UFM1: variants seen among roughly 807,000 people sequenced by gnomAD.
The protein encoded by UFM1 is ubiquitin fold modifier 1, also known as ubiquitin-fold modifier 1.
A neutral mutation model predicts 15.4 loss-of-function variants in UFM1; 9 were observed. That is an observed-to-expected ratio of 0.59 (90% CI 0.35 to 1.02). The LOEUF is 1.02. Ranked by LOEUF, UFM1 falls within the 50% of genes least tolerant of loss-of-function variation. The pLI, the probability that UFM1 is intolerant of heterozygous loss-of-function variation, is 0.02. For synonymous variants in UFM1, 27 were observed against 36.3 expected (o/e 0.74, Z 0.92); for missense variants, 98 against 104.7 (o/e 0.94, Z 0.28).
rs1878753126 is a variant in UFM1 at position 38,350,069 on chromosome 13, C to T, written c.59+14C>T. On this transcript the variant is annotated intron_variant, in intron 2 of 5. Coordinates refer to ENST00000239878, the MANE Select transcript of UFM1 (RefSeq NM_016617.4). ...GCCGTACAAAGTGTGAGTAGCTCGG[C>T]CGAGATGGGCCTTTTGGGGCCGGAC... is the stretch of plus-strand genomic sequence containing the variant. 6.2e-7 allele frequency: 1 copy of T among 1,614,236 alleles called. No homozygotes were observed. The highest frequency in any genetic ancestry group is 8.5e-7 in the Non-Finnish European group (1 of 1,180,048).
chr13:38,361,790 G>A lies in UFM1; in HGVS notation c.*1012G>A, dbSNP rs1879402362. 1 of 152,378 alleles carries A rather than the reference G, an allele frequency of 6.6e-6. No homozygotes were observed. Among genetic ancestry groups the A allele is most frequent in the South Asian group, 2.1e-4 (1 of 4,834 alleles). The allele number at this position is 152,378 out of a possible 1,614,324, so 9.4% of individuals were successfully genotyped here. Reference sequence around the variant, plus strand: ...GGAGGAAAGCAACAGAGGAAACAGTGAAGGGGAACAGAAGGGGGTAGCAAA... The same window carrying A: ...GGAGGAAAGCAACAGAGGAAACAGTAAAGGGGAACAGAAGGGGGTAGCAAA... On this transcript the variant is annotated 3_prime_UTR_variant, in exon 6 of 6. Coordinates refer to ENST00000239878, the MANE Select transcript of UFM1 (RefSeq NM_016617.4).
At chr13:38,359,202 A>G in intron 4 of UFM1, 99 bp from the exon 5 acceptor site, 2 of 1,026,930 alleles carry the variant, frequency 1.9e-6, no homozygotes, top group Non-Finnish European at 2.9e-6. Flanking sequence ...TTATGTCTAT[A>G]TACACAACAG....
At chr13:38,358,170 T>C (rs953227890) in intron 4 of UFM1, 38 bp downstream of exon 4, 3 of 1,314,504 alleles carry the variant, frequency 2.3e-6, no homozygotes, top group South Asian at 1.6e-5. Flanking sequence ...TACCTCAAAT[T>C]TATAGAAATG....
rs765048674 is a variant in UFM1 at position 38,349,926 on chromosome 13, GTGTT to G, written c.2+8_2+11del. 6.2e-7 allele frequency: 1 copy of G among 1,614,010 alleles called. No individual in the cohort carries two copies. The highest frequency in any genetic ancestry group is 1.7e-4 in the Middle Eastern group (1 of 6,060). ...GATTCATTCCGGCACCACCATGTAA[GTGTT>G]TGCTTACCGACTGCCATAATTCCTG... is the stretch of plus-strand genomic sequence containing the variant. On this transcript the variant is annotated splice_donor_region_variant and intron_variant, in intron 1 of 5. Transcript: ENST00000239878.
intron 2 of UFM1, among the ~76,000 whole-genome samples, chr13:38,353,846 T>G (rs1332817981): frequency 6.6e-6 from 1 of 152,062 alleles, no homozygotes; most frequent in Non-Finnish European, 1.5e-5. Context: ...CATTACTGGG[T>G]CAAGTGCATA....
intron 3 of UFM1, 78 bp downstream of exon 3, chr13:38,354,374 A>G: frequency 1.6e-6 from 2 of 1,270,626 alleles, no homozygotes; most frequent in Non-Finnish European, 2.2e-6. Context: ...AGTTGCATGC[A>G]CTTTGACCCA....
Position 38,360,664 on chromosome 13 carries a change from A to G in UFM1, c.191-47A>G, listed in dbSNP as rs1879328941. The G allele has an allele frequency of 2.2e-6, 3 of 1,370,286 alleles. No homozygotes were observed. The African/African-American group carries it at 4.3e-5, about 20-fold the overall frequency. 84.9% of individuals were successfully genotyped at this position (1,370,286 alleles called of 1,614,324 possible). A position where few individuals can be genotyped will look rare whatever the true frequency, so the allele number is the denominator to read the frequency against. Reference sequence around the variant, plus strand: ...TTAATAATTGTCAGAATATTAAGATAACTTGATTTTTAGATATCTAACTTT... The same window carrying G: ...TTAATAATTGTCAGAATATTAAGATGACTTGATTTTTAGATATCTAACTTT... On this transcript the variant is annotated intron_variant, in intron 5 of 5. Transcript: ENST00000239878.
chr13:38,352,532 T>C (rs1037143025), intron 2 of UFM1, among the ~76,000 whole-genome samples: 2 of 152,210 alleles, frequency 1.3e-5, no homozygotes, highest in South Asian at 4.1e-4. Flanking sequence ...ATGATGCCAG[T>C]AATTTACTTC....
chr13:38,363,015 G>T lies in UFM1; in HGVS notation c.*2237G>T, dbSNP rs992715119. ...TGTTATATTGTAAACCATATTGTCT[G>T]TTCTTATTATTAGAGCTCTTAATCA... On this transcript the variant is annotated 3_prime_UTR_variant, in exon 6 of 6. Transcript: ENST00000239878. 2 of 152,096 alleles carry T rather than the reference G, an allele frequency of 1.3e-5. No homozygotes were observed. Among genetic ancestry groups the T allele is most frequent in the Non-Finnish European group, 2.9e-5 (2 of 68,002 alleles). The allele number at this position is 152,096 out of a possible 1,614,324, so 9.4% of individuals were successfully genotyped here.
rs1879346293 is a variant in UFM1, at chr13:38,360,908, C to G, written c.*130C>G. The G allele has an allele frequency of 1.4e-6, 1 of 704,142 alleles. No individual in the cohort carries two copies. The highest frequency in any genetic ancestry group is 1.8e-5 in the African/African-American group (1 of 55,754). The allele number at this position is 704,142 out of a possible 1,614,324, so 43.6% of individuals were successfully genotyped here. A position where few individuals can be genotyped will look rare whatever the true frequency, so the allele number is the denominator to read the frequency against. On this transcript the variant is annotated 3_prime_UTR_variant, in exon 6 of 6. Coordinates refer to ENST00000239878, the MANE Select transcript of UFM1 (RefSeq NM_016617.4). ...AGTCAATGATTAATGAAAGGTGACT[C>G]ATCTGTCCCTTTTTGTTGTCCATAC...
chr13:38,354,242 C>CA lies in UFM1; in HGVS notation c.64dup (p.Ser22LysfsTer4). The stretch of plus-strand genomic sequence containing the variant: ...TGTTTTAAAATTCTTCTTGCAGACT[C>CA]AGTGTTCCTGAAAGTACACCTTTCA... On this transcript the variant is annotated frameshift_variant, in exon 3 of 6. Transcript: ENST00000239878. LOFTEE classifies it high-confidence loss of function. 6.2e-7 allele frequency: 1 copy of CA among 1,609,056 alleles called. No homozygotes were observed. Among genetic ancestry groups the CA allele is most frequent in the Non-Finnish European group, 8.5e-7 (1 of 1,176,706 alleles).
chr13:38,354,194 A>G (rs1878985253), intron 2 of UFM1, 45 bp from the exon 3 acceptor site: 2 of 1,586,412 alleles, frequency 1.3e-6, no homozygotes, highest in Admixed American at 3.4e-5. Context: ...GCTTTTTTAG[A>G]AAATGGTGAC....
intron 2 of UFM1, among the ~76,000 whole-genome samples, chr13:38,350,440 G>A (rs1422263454): frequency 6.6e-6 from 1 of 152,214 alleles, no homozygotes; most frequent in Non-Finnish European, 1.5e-5. Flanking sequence ...TGGCCAGCTG[G>A]TTGAGGAAGT....
rs1208586936 is a variant in UFM1 at position 38,361,959 on chromosome 13, A to G, written c.*1181A>G. The G allele has an allele frequency of 6.6e-6, 1 of 152,240 alleles. No homozygotes were observed. The highest frequency in any genetic ancestry group is 6.5e-5 in the Admixed American group (1 of 15,286). 9.4% of individuals were successfully genotyped at this position (152,240 alleles called of 1,614,324 possible). On this transcript the variant is annotated 3_prime_UTR_variant, in exon 6 of 6. Transcript: ENST00000239878. ...CAAAGTATCTACTGGCCTTGTCAACATACAGACTTCAAAATACCCCTTATG... is the reference window on the plus strand; with the variant it reads ...CAAAGTATCTACTGGCCTTGTCAACGTACAGACTTCAAAATACCCCTTATG...
Position 38,358,232 on chromosome 13 carries a change from A to G in UFM1, c.157+100A>G, listed in dbSNP as rs1593298270. The G allele has an allele frequency of 6.2e-6, 4 of 644,972 alleles. No homozygotes were observed. In the Admixed American group the frequency reaches 1.4e-4, roughly 23 times the overall value. The allele number at this position is 644,972 out of a possible 1,614,324, so 40.0% of individuals were successfully genotyped here. ...ATTAAATACAAAAAGCCCCAAGTAT[A>G]TGTATATCAACATAAATGATATACT... On this transcript the variant is annotated intron_variant, in intron 4 of 5. Coordinates refer to ENST00000239878, the MANE Select transcript of UFM1 (RefSeq NM_016617.4).
chr13:38,359,144 T>A (rs1879259480), intron 4 of UFM1, among the ~76,000 whole-genome samples, 157 bp from the exon 5 acceptor site: 1 of 152,104 alleles, frequency 6.6e-6, no homozygotes, highest in Admixed American at 6.6e-5. Flanking sequence ...CAACAGATAA[T>A]TTACCTGAAA....
chr13:38,353,554 T>C (rs1187323157), intron 2 of UFM1, among the ~76,000 whole-genome samples: 3 of 152,086 alleles, frequency 2.0e-5, no homozygotes, highest in African/African-American at 7.2e-5. Context: ...AAAAAATATA[T>C]TTATTCATGA....
intron 2 of UFM1, chr13:38,350,276 G>T: frequency 6.5e-7 from 1 of 1,543,446 alleles, no homozygotes; most frequent in South Asian, 1.2e-5. Context: ...GCCCCGTCAC[G>T]AGGGTGTGGG....
chr13:38,360,263 C>CT (rs1337282703), intron 5 of UFM1, among the ~76,000 whole-genome samples: 4 of 151,940 alleles, frequency 2.6e-5, no homozygotes, highest in African/African-American at 9.7e-5. Flanking sequence ...ACTGCTAACT[C>CT]TAACATACTG....
Sources: allele counts gnomAD v4.1 joint callset (sites outside exome capture counted in the v4.1 genomes callset), GRCh38; gene constraint gnomAD v4.1.1; transcripts MANE v1.5; gene names NCBI Gene and HGNC (gene_info 2026-07-23, HGNC 2026-07-21).